SHISA9: variants seen among roughly 807,000 people sequenced by gnomAD.
SHISA9 encodes protein shisa-9.
In SHISA9, 13 loss-of-function variants were observed where a neutral mutation model predicts 38.0. That is an observed-to-expected ratio of 0.34 (90% CI 0.22 to 0.54). The LOEUF is 0.54. Among genes scored for constraint, SHISA9 ranks in the 20% least tolerant of loss-of-function variants. The pLI, the probability that SHISA9 is intolerant of heterozygous loss-of-function variation, is 0.91. For missense variants in SHISA9, 538 were observed against 575.8 expected (o/e 0.93, Z 0.67); for synonymous variants, 275 against 242.0 (o/e 1.14, Z -1.27).
downstream of SHISA9, among the ~76,000 whole-genome samples, chr16:13,240,624 T>TTTTTG (rs1233213372): frequency 3.3e-5 from 5 of 152,346 alleles, no homozygotes; most frequent in East Asian, 9.6e-4. Context: ...GGTAAGTTTG[T>TTTTTG]GTCACATCTC....
intron 2 of SHISA9, among the ~76,000 whole-genome samples, chr16:12,934,596 T>C (rs1408278452): frequency 6.6e-6 from 1 of 152,216 alleles, no homozygotes; most frequent in Non-Finnish European, 1.5e-5. Context: ...AATCACTTTC[T>C]ATGGTGGCAA....
the SHISA9 span, among the ~76,000 whole-genome samples, chr16:13,441,214 G>A: frequency 2.0e-4 from 31 of 152,290 alleles, no homozygotes; most frequent in South Asian, 4.1e-4. Context: ...AGAAGGAAAC[G>A]TAAACAACAA....
the SHISA9 span, among the ~76,000 whole-genome samples, chr16:13,322,596 G>C: frequency 6.6e-6 from 1 of 152,154 alleles, no homozygotes; most frequent in African/African-American, 2.4e-5. Context: ...TATTTGGAAA[G>C]TGAAAGGCTA....
rs1048836636 is a variant in SHISA9 at position 13,174,027 on chromosome 16, A to G, written c.692-29367A>G. 2.0e-5 allele frequency among the ~76,000 whole-genome samples: 3 copies of G among 152,114 alleles called. No individual in the cohort carries two copies. The South Asian group carries it at 6.2e-4, about 32-fold the overall frequency. ...GGACGTGCTGGGGCCTTAAAAAGTC[A>G]TATCACCTCTCTAGGCCTCAGTTTC... On this transcript the variant is annotated intron_variant, in intron 2 of 4. Transcript: ENST00000558583.
chr16:13,479,178 A>G, the SHISA9 span, among the ~76,000 whole-genome samples: 2 of 151,882 alleles, frequency 1.3e-5, no homozygotes, highest in Non-Finnish European at 2.9e-5. Flanking sequence ...CGTCCCTTTC[A>G]CTGACTCTGA....
chr16:13,212,022 A>C (rs908936163), intron 3 of SHISA9, among the ~76,000 whole-genome samples: 1 of 152,036 alleles, frequency 6.6e-6, no homozygotes, highest in African/African-American at 2.4e-5. Flanking sequence ...GTGAGTGATG[A>C]GGGGTGTACA....
chr16:13,222,385 A>G (rs1298654316), intron 4 of SHISA9, among the ~76,000 whole-genome samples: 1 of 152,102 alleles, frequency 6.6e-6, no homozygotes, highest in Non-Finnish European at 1.5e-5. Context: ...TCTTGTCCTC[A>G]TCTGCATTGT....
rs145191116 is a variant in SHISA9, at chr16:12,987,045, T to C, written c.691+70230T>C. Among the ~76,000 whole-genome samples, 1,033 of 152,312 alleles carry C rather than the reference T, an allele frequency of 6.8e-3. 19 individuals carry two copies. The highest frequency in any genetic ancestry group is 0.023 in the African/African-American group (974 of 41,562). On this transcript the variant is annotated intron_variant, in intron 2 of 4. Transcript: ENST00000558583. ...GGACTGTTTCCTGGTCATCTCAATA[T>C]TCCCAGTATCTGCCGAGGAACTGGC...
chr16:13,331,535 A>G, the SHISA9 span: 1 of 152,238 alleles, frequency 6.6e-6, no homozygotes. Flanking sequence ...ATCTTACAAA[A>G]TGACTTAAGT....
At chr16:13,260,396 CT>C in the SHISA9 span, among the ~76,000 whole-genome samples, 1 of 152,132 alleles carries the variant, frequency 6.6e-6, no homozygotes, top group South Asian at 2.1e-4. Flanking sequence ...AGCTGAATGC[CT>C]TTAACAGTAC....
intron 2 of SHISA9, among the ~76,000 whole-genome samples, chr16:12,971,479 C>G (rs1279842513): frequency 6.6e-6 from 1 of 152,224 alleles, no homozygotes; most frequent in Non-Finnish European, 1.5e-5. Context: ...AAGGATGAGT[C>G]AGCCACTGAA....
intron 2 of SHISA9, among the ~76,000 whole-genome samples, chr16:13,091,947 C>G (rs1476801221): frequency 6.6e-6 from 1 of 152,126 alleles, no homozygotes; most frequent in East Asian, 1.9e-4. Context: ...TTTTACCTAC[C>G]TTTGGTCTTT....
the SHISA9 span, among the ~76,000 whole-genome samples, chr16:13,559,797 G>A: frequency 6.6e-6 from 1 of 152,190 alleles, no homozygotes; most frequent in East Asian, 1.9e-4. Flanking sequence ...AGAACAGAGT[G>A]GTTGTTCAAT....
At chr16:13,479,589 C>T in the SHISA9 span, among the ~76,000 whole-genome samples, 1 of 151,776 alleles carries the variant, frequency 6.6e-6, no homozygotes, top group South Asian at 2.1e-4. Context: ...TTAATTTATA[C>T]ATATATATAT....
chr16:13,102,281 G>T (rs895628834), intron 2 of SHISA9, among the ~76,000 whole-genome samples: 15 of 152,166 alleles, frequency 9.9e-5, no homozygotes, highest in African/African-American at 2.9e-4. Flanking sequence ...CTAGCACTGT[G>T]CACCAGCTCA....
At chr16:13,463,537 G>A in the SHISA9 span, among the ~76,000 whole-genome samples, 2 of 152,292 alleles carry the variant, frequency 1.3e-5, no homozygotes, top group South Asian at 4.2e-4. Flanking sequence ...TATTGAGAGT[G>A]ATAATCTTGA....
intron 2 of SHISA9, among the ~76,000 whole-genome samples, chr16:13,091,602 G>T (rs562479002): frequency 6.6e-6 from 1 of 152,138 alleles, no homozygotes; most frequent in Non-Finnish European, 1.5e-5. Context: ...AGCTACTGAA[G>T]CTTGTGCATG....
At chr16:13,181,750 G>C (rs1473276830) in intron 2 of SHISA9, among the ~76,000 whole-genome samples, 1 of 152,060 alleles carries the variant, frequency 6.6e-6, no homozygotes, top group Non-Finnish European at 1.5e-5. Flanking sequence ...TTCATCTAAA[G>C]AGGGGGTGAT....
chr16:13,072,901 T>C (rs2141925083), intron 2 of SHISA9, among the ~76,000 whole-genome samples: 1 of 152,306 alleles, frequency 6.6e-6, no homozygotes, highest in African/African-American at 2.4e-5. Flanking sequence ...TCTCAAGTGA[T>C]CCACCCACCT....
Sources: gnomAD v4.1 joint callset for allele counts (sites outside exome capture counted in the v4.1 genomes callset) on GRCh38, gnomAD v4.1.1 for gene constraint, MANE v1.5 for transcripts, NCBI Gene and HGNC (gene_info 2026-07-23, HGNC 2026-07-21) for gene names.